Variants in FRMPD3 observed in about 807,000 individuals in gnomAD.
FRMPD3 encodes FERM and PDZ domain-containing protein 3.
FRMPD3 carries 42 observed loss-of-function variants against 97.9 expected under a neutral mutation model. The observed-to-expected ratio is 0.43, with a 90% CI of 0.34 to 0.55. The LOEUF (loss-of-function observed/expected upper bound fraction) is 0.55. Ranked by LOEUF, FRMPD3 falls within the 20% of genes least tolerant of loss-of-function variation. The pLI is 0.03. For synonymous variants in FRMPD3, 577 were observed against 581.1 expected, an observed-to-expected ratio of 0.99 and a Z score of 0.10; for missense variants, 1,303 against 1,457.7, an observed-to-expected ratio of 0.89 and a Z score of 1.73.
chrX:107,532,159 A>T (rs939466089), intron 3 of FRMPD3, among the ~76,000 whole-genome samples: 3 of 113,023 alleles, frequency 2.7e-5, no homozygotes, highest in African/African-American at 9.6e-5. Flanking sequence ...TGTTATTAAG[A>T]ATAGAAAGTA....
intron 13 of FRMPD3, among the ~76,000 whole-genome samples, chrX:107,578,728 C>G (rs1923242724): frequency 9.0e-6 from 1 of 111,666 alleles, no homozygotes; most frequent in Admixed American, 9.5e-5. Flanking sequence ...AGAACTTGAA[C>G]TAGGCATCAT....
At chrX:107,555,556 A>G (rs760547479) in intron 8 of FRMPD3, among the ~76,000 whole-genome samples, 8 of 111,941 alleles carry the variant, frequency 7.1e-5, no homozygotes, top group Non-Finnish European at 1.5e-4. Flanking sequence ...CCGATGCCCA[A>G]AAGACTTTGA....
At chrX:107,522,147 G>A (rs868143787) in intron 1 of FRMPD3, among the ~76,000 whole-genome samples, 1 of 111,201 alleles carries the variant, frequency 9.0e-6, no homozygotes, top group African/African-American at 3.3e-5. Context: ...TTGCGGGGCT[G>A]TCTCTTAGAG....
At chrX:107,489,435 A>G (rs1921596848) in intron 1 of FRMPD3, among the ~76,000 whole-genome samples, 1 of 111,686 alleles carries the variant, frequency 9.0e-6, no homozygotes, top group Non-Finnish European at 1.9e-5. Context: ...TGGTTGAAAG[A>G]GTTTACAGTC....
chrX:107,467,004 G>T (rs1471159985), intron 1 of FRMPD3, among the ~76,000 whole-genome samples: 1 of 108,503 alleles, frequency 9.2e-6, no homozygotes, highest in Non-Finnish European at 1.9e-5. Context: ...GTGTGTGTGT[G>T]TGTGTGTGTG....
intron 4 of FRMPD3, among the ~76,000 whole-genome samples, chrX:107,539,174 T>G (rs1921169701): frequency 8.9e-6 from 1 of 112,459 alleles, no homozygotes; most frequent in South Asian, 3.7e-4. Flanking sequence ...CACCAAATGA[T>G]TCTGATATGG....
In FRMPD3 at chrX:107,602,707, G is replaced by A. The variant is rs1041140516; in HGVS notation, c.4668G>A (p.Glu1556=). Residue 1556 remains glutamate, a synonymous_variant, in exon 15 of 15, where the codon GAG becomes GAA. Transcript: ENST00000683843. ...DAATCSSSSP[E]ASRTQEIDLR... The stretch of plus-strand genomic sequence containing the variant: ...CTACCTGCAGCAGCAGCAGCCCTGA[G>A]GCCTCCCGCACTCAGGAGATTGACC... 3 of 1,208,990 alleles carry A rather than the reference G, an allele frequency of 2.5e-6. No homozygotes were observed. Among genetic ancestry groups the A allele is most frequent in the Non-Finnish European group, 3.4e-6 (3 of 895,174 alleles).
At chrX:107,574,815 C>A (rs1300872413) in intron 12 of FRMPD3, among the ~76,000 whole-genome samples, 1 of 112,089 alleles carries the variant, frequency 8.9e-6, no homozygotes, top group Admixed American at 9.5e-5. Flanking sequence ...CCTCATTGGT[C>A]AGAGAAGGGC....
chrX:107,515,604 C>T (rs1161085150), intron 1 of FRMPD3, among the ~76,000 whole-genome samples: 9 of 111,743 alleles, frequency 8.1e-5, no homozygotes, highest in Non-Finnish European at 1.5e-4. Flanking sequence ...GTGTAGAAAA[C>T]GTTTTTGAGG....
chrX:107,463,082 G>T (rs747064854), intron 1 of FRMPD3, among the ~76,000 whole-genome samples: 1 of 112,125 alleles, frequency 8.9e-6, no homozygotes, highest in African/African-American at 3.2e-5. Flanking sequence ...CACTCAGTGT[G>T]CAATCTTCTG....
Position 107,560,747 on chromosome X carries a change from C to T in FRMPD3, c.920C>T (p.Pro307Leu), listed in dbSNP as rs1245821895. 1 of 1,167,292 alleles carries T rather than the reference C, an allele frequency of 8.6e-7. No homozygotes were observed. The highest frequency in any genetic ancestry group is 2.6e-5 in the Admixed American group (1 of 38,912). The change falls in exon 10 of 15, where the codon CCC (proline) becomes CTC (leucine). Residue 307 changes from proline (P) to leucine (L), a missense_variant. Around this residue, in one of 3 missense-constraint regions of FRMPD3, gnomAD observed 535 missense variants for 618.6 expected, o/e 0.86. Transcript: ENST00000683843. ...TTTAGGAAGGAGTGGGGCCTGGAAC[C>T]CTTTCTTCCCCCCTCCCTCCTGCAG... ...KNVEKEWGLEPFLPPSLLQVI... is the reference protein window; with the variant it reads ...KNVEKEWGLELFLPPSLLQVI...
intron 1 of FRMPD3, among the ~76,000 whole-genome samples, chrX:107,503,755 G>A (rs745905486): frequency 1.8e-5 from 2 of 112,019 alleles, no homozygotes; most frequent in African/African-American, 6.5e-5. Flanking sequence ...TTAGACACAG[G>A]TTATACAGTT....
At chrX:107,503,619 C>T (rs1252005169) in intron 1 of FRMPD3, among the ~76,000 whole-genome samples, 1 of 112,663 alleles carries the variant, frequency 8.9e-6, no homozygotes, top group African/African-American at 3.2e-5. Context: ...CAAATGTCTC[C>T]TCAGTTGCCT....
chrX:107,450,913 A>G (rs1931276469), intron 1 of FRMPD3, among the ~76,000 whole-genome samples: 1 of 101,486 alleles, frequency 9.9e-6, no homozygotes, highest in Non-Finnish European at 2.0e-5. Flanking sequence ...GCTACTGTAG[A>G]CACCTCCACC....
intron 1 of FRMPD3, among the ~76,000 whole-genome samples, chrX:107,513,731 T>C (rs1275914877): frequency 2.7e-5 from 3 of 112,278 alleles, no homozygotes; most frequent in Non-Finnish European, 5.6e-5. Context: ...ATAAACTGCA[T>C]GTAAAGGCCA....
At position 107,587,726 on chromosome X, in the gene FRMPD3, T is replaced by A. The variant is rs368825627; in HGVS notation, c.1442-9595T>A. Among the ~76,000 whole-genome samples the A allele has an allele frequency of 3.7e-4, 42 of 112,112 alleles. 2 individuals are homozygous for A. The South Asian group carries it at 0.016, about 42-fold the overall frequency. Reference sequence around the variant, plus strand: ...ACTTGTGAAGCTTAGTTTGTCTGGATATGAAATTCTGCGTTGAAAATTCTT... The same window carrying A: ...ACTTGTGAAGCTTAGTTTGTCTGGAAATGAAATTCTGCGTTGAAAATTCTT... On this transcript the variant is annotated intron_variant, in intron 13 of 14. Coordinates refer to ENST00000683843, the MANE Select transcript of FRMPD3 (RefSeq NM_001388459.1).
At chrX:107,585,550 C>T (rs1439524624) in intron 13 of FRMPD3, among the ~76,000 whole-genome samples, 1 of 111,568 alleles carries the variant, frequency 9.0e-6, no homozygotes, top group East Asian at 2.8e-4. Flanking sequence ...CAGCTTTTGC[C>T]CATTCAATAT....
At position 107,597,984 on chromosome X, in the gene FRMPD3, A is replaced by G; in HGVS notation, c.2105A>G (p.Tyr702Cys). 8.3e-7 allele frequency: 1 copy of G among 1,210,745 alleles called. No homozygotes were observed. Residue 702 changes from tyrosine to cysteine, a missense_variant, in exon 14 of 15, where the codon TAC (tyrosine) becomes TGC (cysteine). This residue lies in a region of FRMPD3 where 535 missense variants were observed against 618.6 expected (regional missense o/e 0.86). Transcript: ENST00000683843. ...EQGRHLRGLL[Y>C]DEIPVTLIDS... ...GGACGCCACCTGCGTGGGCTTCTGT[A>G]CGATGAGATTCCAGTGACATTGATT...
In FRMPD3 at chrX:107,530,469, A is replaced by G. The variant is rs745830389; in HGVS notation, c.209A>G (p.Asp70Gly). ...CAGATTGTGGCTATTAATGAGGAAG[A>G]CGTGAGTGAAGCCCCGAGGGAGAGA... The part of the protein sequence containing the change: ...GDQIVAINEE[D>G]VSEAPRERLI... Residue 70 changes from aspartate to glycine, a missense_variant, in exon 3 of 15, where the codon GAC becomes GGC. Transcript: ENST00000683843. 1 of 1,195,109 alleles carries G rather than the reference A, an allele frequency of 8.4e-7. No individual in the cohort carries two copies. Among genetic ancestry groups the G allele is most frequent in the African/African-American group, 1.8e-5 (1 of 56,967 alleles).
Sources: gnomAD v4.1 joint callset for allele counts (sites outside exome capture counted in the v4.1 genomes callset) on GRCh38, gnomAD v4.1.1 for gene constraint, gnomAD v4.1.1 regional missense constraint, MANE v1.5 for transcripts, NCBI Gene and HGNC (gene_info 2026-07-23, HGNC 2026-07-21) for gene names.